The following SPIDR variants were observed in gnomAD, a reference collection of about 807,000 sequenced individuals.
SPIDR encodes the protein DNA repair-scaffolding protein.
Under a neutral mutation model 104.6 loss-of-function variants are expected in SPIDR, and 93 were observed. That is an observed-to-expected ratio of 0.89 (90% CI 0.75 to 1.06). The LOEUF is 1.06. Among genes scored for constraint, SPIDR ranks in the 50% least tolerant of loss-of-function variants. The pLI is 0.00. For synonymous variants in SPIDR, 431 were observed against 416.9 expected (o/e 1.03, Z -0.41); for missense variants, 1,154 against 1,111.2 (o/e 1.04, Z -0.55).
intron 16 of SPIDR, among the ~76,000 whole-genome samples, chr8:47,724,419 T>G (rs879777454): frequency 5.9e-5 from 9 of 152,214 alleles, no homozygotes; most frequent in African/African-American, 2.2e-4. Context: ...CCCACCTCCA[T>G]CAGATCCAGG....
intron 10 of SPIDR, among the ~76,000 whole-genome samples, chr8:47,642,574 A>T (rs528515322): frequency 1.2e-4 from 19 of 152,226 alleles, no homozygotes; most frequent in African/African-American, 4.3e-4. Flanking sequence ...TGTTTTTCGT[A>T]TGCAAGAAAG....
intron 10 of SPIDR, among the ~76,000 whole-genome samples, chr8:47,625,733 A>C (rs1325435349): frequency 1.3e-5 from 2 of 152,230 alleles, no homozygotes; most frequent in African/African-American, 2.4e-5. Flanking sequence ...CAATGAAATA[A>C]AAGAGGATAC....
At chr8:47,567,626 A>G (rs1176035802) in intron 8 of SPIDR, among the ~76,000 whole-genome samples, 2 of 152,066 alleles carry the variant, frequency 1.3e-5, no homozygotes, top group African/African-American at 4.8e-5. Context: ...AAGCTCAGTT[A>G]CTCAGAGAAG....
chr8:47,481,424 G>T (rs2076891336), intron 8 of SPIDR, among the ~76,000 whole-genome samples: 2 of 152,080 alleles, frequency 1.3e-5, no homozygotes, highest in Non-Finnish European at 2.9e-5. Flanking sequence ...ATCACTTGAG[G>T]CCAGGAGTTC....
chr8:47,544,244 G>A (rs73565297), intron 8 of SPIDR, among the ~76,000 whole-genome samples: 2,746 of 152,014 alleles, frequency 0.018, 85 homozygotes, highest in African/African-American at 0.064. Context: ...TAATTGGATT[G>A]TTTGCTATTT....
intron 7 of SPIDR, among the ~76,000 whole-genome samples, chr8:47,437,151 A>C: frequency 6.6e-6 from 1 of 151,962 alleles, no homozygotes; most frequent in Non-Finnish European, 1.5e-5. Flanking sequence ...TGTGCAGGTT[A>C]GTTACATATG....
chr8:47,481,725 G>A (rs782817882), intron 8 of SPIDR, among the ~76,000 whole-genome samples: 1 of 152,240 alleles, frequency 6.6e-6, no homozygotes, highest in Non-Finnish European at 1.5e-5. Flanking sequence ...ACCAGCCCAT[G>A]TGAGTGACCA....
chr8:47,721,709 T>A (rs1328489113), intron 16 of SPIDR, among the ~76,000 whole-genome samples: 1 of 152,056 alleles, frequency 6.6e-6, no homozygotes, highest in Admixed American at 6.6e-5. Flanking sequence ...TCTCCTGACC[T>A]CGTGATCCAC....
At chr8:47,330,659 T>C (rs1190910871) in intron 5 of SPIDR, 3 of 416,896 alleles carry the variant, frequency 7.2e-6, no homozygotes, top group African/African-American at 6.2e-5. Context: ...TGTATTGAAC[T>C]TTCCTCCATG....
intron 8 of SPIDR, chr8:47,527,895 G>A (rs1169225025): frequency 6.6e-6 from 1 of 152,164 alleles, no homozygotes; most frequent in Admixed American, 6.5e-5. Flanking sequence ...TTTTACCAGT[G>A]GTATATCTTT....
chr8:47,332,978 T>G (rs955501774), intron 5 of SPIDR, among the ~76,000 whole-genome samples: 13 of 150,146 alleles, frequency 8.7e-5, no homozygotes, highest in African/African-American at 1.5e-4. Context: ...GTAGTTTCTT[T>G]TGCTGTGCAG....
At chr8:47,306,436 C>T (rs1002085765) in intron 5 of SPIDR, among the ~76,000 whole-genome samples, 5 of 152,138 alleles carry the variant, frequency 3.3e-5, no homozygotes, top group Non-Finnish European at 5.9e-5. Context: ...CCACCGAGCC[C>T]GGCTAGAATT....
chr8:47,510,128 G>C (rs1409048520), intron 8 of SPIDR, among the ~76,000 whole-genome samples: 1 of 152,070 alleles, frequency 6.6e-6, no homozygotes, highest in African/African-American at 2.4e-5. Flanking sequence ...GCAATGTGGG[G>C]GTTTTTTTTC....
At chr8:47,263,138 A>C (rs1406406009) in intron 1 of SPIDR, among the ~76,000 whole-genome samples, 12 of 152,266 alleles carry the variant, frequency 7.9e-5, no homozygotes, top group Non-Finnish European at 1.8e-4. Context: ...GCCTAAGGTC[A>C]CACAGCAGTT....
At chr8:47,515,747 T>G (rs1010871909) in intron 8 of SPIDR, among the ~76,000 whole-genome samples, 2 of 152,232 alleles carry the variant, frequency 1.3e-5, no homozygotes, top group African/African-American at 4.8e-5. Context: ...AAATTGCTCT[T>G]CCTTGAGGCA....
At chr8:47,560,079 C>T (rs944850026) in intron 8 of SPIDR, among the ~76,000 whole-genome samples, 11 of 152,156 alleles carry the variant, frequency 7.2e-5, no homozygotes, top group African/African-American at 2.7e-4. Context: ...TACATCTTAT[C>T]AAAAGTGGTC....
At chr8:47,488,508 C>G (rs1554734030) in intron 8 of SPIDR, among the ~76,000 whole-genome samples, 2 of 152,200 alleles carry the variant, frequency 1.3e-5, no homozygotes, top group East Asian at 1.9e-4. Context: ...TTTATGAGAC[C>G]AGTATCATCC....
chr8:47,606,666 T>C (rs2062993843), intron 10 of SPIDR, among the ~76,000 whole-genome samples: 1 of 152,152 alleles, frequency 6.6e-6, no homozygotes, highest in African/African-American at 2.4e-5. Flanking sequence ...TTTGCATGTG[T>C]TTGGACAGTG....
At chr8:47,677,539 G>A (rs926144112) in intron 11 of SPIDR, among the ~76,000 whole-genome samples, 3 of 152,206 alleles carry the variant, frequency 2.0e-5, no homozygotes, top group Admixed American at 6.5e-5. Context: ...GCCTCTTGAA[G>A]GGCCGTTTTA....
Sources: gnomAD v4.1 joint callset for allele counts (sites outside exome capture counted in the v4.1 genomes callset) on GRCh38, gnomAD v4.1.1 for gene constraint, MANE v1.5 for transcripts, NCBI Gene and HGNC (gene_info 2026-07-23, HGNC 2026-07-21) for gene names.